HDAC4: variants seen among roughly 807,000 people sequenced by gnomAD.
HDAC4 encodes the protein histone deacetylase 4.
A neutral mutation model predicts 135.1 loss-of-function variants in HDAC4; 16 were observed. The ratio of observed to expected loss-of-function variants is 0.12; its 90% CI spans 0.08 to 0.18. HDAC4 has a LOEUF of 0.18. Among genes scored for constraint, HDAC4 ranks in the 10% least tolerant of loss-of-function variants. HDAC4 has a pLI of 1.00. For missense variants in HDAC4, 1,143 were observed against 1,511.8 expected (o/e 0.76, Z 4.05); for synonymous variants, 685 against 653.4 (o/e 1.05, Z -0.74).
At chr2:239,162,127 GCC>G (rs1272317010) in intron 6 of HDAC4, 3 of 456,634 alleles carry the variant, frequency 6.6e-6, no homozygotes, top group Non-Finnish European at 1.3e-5. Context: ...CTTCCCAGCA[GCC>G]CCACTGCTCT....
chr2:239,095,427 C>T (rs763812299), intron 16 of HDAC4, among the ~76,000 whole-genome samples: 7 of 152,318 alleles, frequency 4.6e-5, no homozygotes, highest in Non-Finnish European at 5.9e-5. Context: ...AATCCTGCTC[C>T]AGGACCCCGA....
intron 2 of HDAC4, among the ~76,000 whole-genome samples, chr2:239,264,258 C>T (rs1248524125): frequency 2.6e-5 from 4 of 152,170 alleles, no homozygotes; most frequent in South Asian, 2.1e-4. Context: ...GCCTCCACTG[C>T]GGAGGAGCAG....
In HDAC4 at chr2:239,092,111, G is replaced by A. The variant is rs557114511; in HGVS notation, c.2281-1995C>T. On this transcript the variant is annotated intron_variant, in intron 17 of 26. Transcript: ENST00000543185. ...AAAATTAGCCAGATGTGGTGGCCTGGGCCTGTAGTCCCCACAACTCAGGAC... is the reference window on the plus strand; with the variant it reads ...AAAATTAGCCAGATGTGGTGGCCTGAGCCTGTAGTCCCCACAACTCAGGAC... Among the ~76,000 whole-genome samples, 3 of 152,118 alleles carry A rather than the reference G, an allele frequency of 2.0e-5. No individual in the cohort carries two copies. In the East Asian group the frequency reaches 5.8e-4, roughly 30 times the overall value.
At chr2:239,275,088 C>T (rs1220611568) in intron 2 of HDAC4, among the ~76,000 whole-genome samples, 2 of 152,234 alleles carry the variant, frequency 1.3e-5, no homozygotes, top group Non-Finnish European at 2.9e-5. Flanking sequence ...GAAGCCAGCA[C>T]ACGCTACGCT....
chr2:239,118,070 C>T (rs895080118), intron 12 of HDAC4, among the ~76,000 whole-genome samples: 1 of 152,170 alleles, frequency 6.6e-6, no homozygotes, highest in Non-Finnish European at 1.5e-5. Flanking sequence ...CAGACGACAC[C>T]GGTCCCCACG....
At position 239,331,603 on chromosome 2, in the gene HDAC4, G is replaced by T. The variant is rs117398822; in HGVS notation, c.22+21075C>A. Among the ~76,000 whole-genome samples, 2,619 of 152,252 alleles carry T rather than the reference G, an allele frequency of 0.017. 42 individuals carry two copies. The highest frequency in any genetic ancestry group is 0.09 in the East Asian group (467 of 5,170). On this transcript the variant is annotated intron_variant, in intron 2 of 26. Coordinates refer to ENST00000543185, the MANE Select transcript of HDAC4 (RefSeq NM_001378414.1). This position sits in a 1 kb window ranked among gnomAD's most constrained non-coding sequence, Gnocchi z 4.5. ...CCTTCAGGAAGCACACACGGGCCAG[G>T]TGAGCGAACTGCAATGACACGTCGC...
chr2:239,070,943 T>A (rs1316787989), intron 22 of HDAC4, among the ~76,000 whole-genome samples: 2 of 134,258 alleles, frequency 1.5e-5, no homozygotes, highest in African/African-American at 2.8e-5. Flanking sequence ...TTTTTTTTTT[T>A]TTACATTAAA....
intron 2 of HDAC4, among the ~76,000 whole-genome samples, chr2:239,286,417 G>A (rs2051139268): frequency 6.6e-6 from 1 of 152,142 alleles, no homozygotes; most frequent in Admixed American, 6.5e-5. Context: ...AAATGAAGGA[G>A]AGCCCAAATC....
At chr2:239,084,373 CGTCGCAGGGAACCCTCAGT>C in intron 19 of HDAC4, 131 bp from the exon 20 acceptor site, 1 of 697,264 alleles carries the variant, frequency 1.4e-6, no homozygotes, top group Non-Finnish European at 2.6e-6. Flanking sequence ...CTCCTGAATA[CGTCGCAGGGAACCCTCAGT>C]GATGCCGGAG....
intron 6 of HDAC4, among the ~76,000 whole-genome samples, chr2:239,159,034 CCA>C (rs755695635): frequency 5.3e-5 from 8 of 151,432 alleles, no homozygotes; most frequent in Admixed American, 2.6e-4. Flanking sequence ...CTATTCACAC[CCA>C]CACACACCTC....
intron 1 of HDAC4, among the ~76,000 whole-genome samples, chr2:239,357,095 A>G (rs1693536280): frequency 6.6e-6 from 1 of 152,192 alleles, no homozygotes; most frequent in Non-Finnish European, 1.5e-5. Context: ...TTTTAAAAAC[A>G]CACACAGAAC....
At chr2:239,320,347 A>T (rs894486045) in intron 2 of HDAC4, among the ~76,000 whole-genome samples, 15 of 147,160 alleles carry the variant, frequency 1.0e-4, no homozygotes, top group Admixed American at 2.9e-4. Flanking sequence ...GCACCATTGC[A>T]CTCCAGCCTG....
At chr2:239,373,868 C>A (rs1269781618) in intron 1 of HDAC4, among the ~76,000 whole-genome samples, 1 of 152,182 alleles carries the variant, frequency 6.6e-6, no homozygotes, top group Admixed American at 6.5e-5. Flanking sequence ...GAGGACGGGT[C>A]CTTGATGCCC....
At chr2:239,152,307 TTC>T (rs2042164909) in intron 7 of HDAC4, among the ~76,000 whole-genome samples, 1 of 152,240 alleles carries the variant, frequency 6.6e-6, no homozygotes, top group Non-Finnish European at 1.5e-5. Context: ...ATCCACACAG[TTC>T]TGTCTCTTCT....
intron 2 of HDAC4, among the ~76,000 whole-genome samples, chr2:239,283,491 G>A (rs750873957): frequency 2.0e-5 from 3 of 152,350 alleles, no homozygotes; most frequent in Middle Eastern, 3.4e-3. Context: ...GGCCTGGGAC[G>A]CCACTGCCGG....
chr2:239,387,892 C>A (rs976742813), intron 1 of HDAC4, among the ~76,000 whole-genome samples: 1 of 152,190 alleles, frequency 6.6e-6, no homozygotes, highest in Non-Finnish European at 1.5e-5. Context: ...GAGTGGAAGG[C>A]GTGGGCTCAG....
intron 2 of HDAC4, among the ~76,000 whole-genome samples, chr2:239,301,422 G>A (rs1383838653): frequency 2.6e-5 from 4 of 152,164 alleles, no homozygotes; most frequent in South Asian, 2.1e-4. Context: ...GATGCCAGGC[G>A]AGGCTCCCAC....
chr2:239,139,576 A>G lies in HDAC4; in HGVS notation c.978+108T>C, dbSNP rs2041206953. ...CACAGGCCACTTTCCCTCACCCCAAATTGGAAGGTGAAGAGTGAAGGGCAA... is the reference window on the plus strand; with the variant it reads ...CACAGGCCACTTTCCCTCACCCCAAGTTGGAAGGTGAAGAGTGAAGGGCAA... On this transcript the variant is annotated intron_variant, in intron 9 of 26. Transcript: ENST00000543185. This position sits in a 1 kb window ranked among gnomAD's most constrained non-coding sequence, Gnocchi z 5.3. 9.7e-7 allele frequency: 1 copy of G among 1,029,230 alleles called. No individual in the cohort carries two copies. Among genetic ancestry groups the G allele is most frequent in the East Asian group, 2.4e-5 (1 of 42,128 alleles). 63.8% of individuals were successfully genotyped at this position (1,029,230 alleles called of 1,614,324 possible).
At chr2:239,283,380 C>T (rs2050933736) in intron 2 of HDAC4, among the ~76,000 whole-genome samples, 2 of 152,220 alleles carry the variant, frequency 1.3e-5, no homozygotes, top group South Asian at 4.1e-4. Flanking sequence ...AGCTGCGGGG[C>T]TCCTCAAACA....
Sources: allele counts gnomAD v4.1 joint callset (sites outside exome capture counted in the v4.1 genomes callset), GRCh38; gene constraint gnomAD v4.1.1; non-coding constraint Gnocchi (gnomAD v3.1); transcripts MANE v1.5; gene names NCBI Gene and HGNC (gene_info 2026-07-23, HGNC 2026-07-21).